CNTN4: variants seen among roughly 807,000 people sequenced by gnomAD.
CNTN4 encodes contactin-4.
In CNTN4, 77 loss-of-function variants were observed where a neutral mutation model predicts 122.5. That is an observed-to-expected ratio of 0.63 (90% confidence interval 0.52 to 0.76). CNTN4 has a LOEUF of 0.76. Ranked by LOEUF, CNTN4 falls within the 30% of genes least tolerant of loss-of-function variation. CNTN4 has a pLI of 0.00. For synonymous variants in CNTN4, 512 were observed against 447.0 expected (o/e 1.15, Z -1.83); for missense variants, 1,256 against 1,259.1 (o/e 1.00, Z 0.04).
At chr3:2,315,043 A>G (rs1461743481) in intron 2 of CNTN4, among the ~76,000 whole-genome samples, 1 of 152,090 alleles carries the variant, frequency 6.6e-6, no homozygotes, top group Non-Finnish European at 1.5e-5. Context: ...AATTTAAATA[A>G]TAAAATCCAC....
At chr3:2,659,369 G>C (rs1390186155) in intron 4 of CNTN4, among the ~76,000 whole-genome samples, 1 of 150,776 alleles carries the variant, frequency 6.6e-6, no homozygotes, top group Non-Finnish European at 1.5e-5. Flanking sequence ...GGCTGAGGCA[G>C]GAGAATCACT....
rs1575029673 is a variant in CNTN4 at position 2,185,719 on chromosome 3, C to A, written c.-145+85080C>A. On this transcript the variant is annotated intron_variant, in intron 2 of 24. Transcript: ENST00000418658. ...GTGATTTCCAGAGATCTTGGACTGC[C>A]AATAATGGTACAAAGTATTTCTTGG... Among the ~76,000 whole-genome samples the A allele has an allele frequency of 2.0e-5, 3 of 152,076 alleles. No homozygotes were observed. The South Asian group carries it at 6.2e-4, about 31-fold the overall frequency.
chr3:2,799,652 C>T (rs957728861), intron 6 of CNTN4, among the ~76,000 whole-genome samples: 9 of 152,118 alleles, frequency 5.9e-5, no homozygotes, highest in South Asian at 4.1e-4. Flanking sequence ...TCAGTAGAGA[C>T]GGAATTTCGC....
chr3:2,427,063 C>G (rs185333988), intron 3 of CNTN4, among the ~76,000 whole-genome samples: 45 of 152,174 alleles, frequency 3.0e-4, no homozygotes, highest in Admixed American at 2.6e-3. Context: ...TTTTGTGTCT[C>G]TATCTCCTTC....
chr3:2,980,409 C>G (rs548740129), intron 13 of CNTN4, among the ~76,000 whole-genome samples: 1 of 129,128 alleles, frequency 7.7e-6, no homozygotes, highest in East Asian at 2.0e-4. Flanking sequence ...TTTACATTTT[C>G]AATTCTTTTC....
intron 4 of CNTN4, among the ~76,000 whole-genome samples, chr3:2,652,379 G>T (rs2150206190): frequency 6.6e-6 from 1 of 152,258 alleles, no homozygotes; most frequent in South Asian, 2.1e-4. Context: ...TGGTCTAATA[G>T]TCTTATTATT....
chr3:2,203,202 A>T (rs2038181243), intron 2 of CNTN4, among the ~76,000 whole-genome samples: 1 of 152,154 alleles, frequency 6.6e-6, no homozygotes, highest in Admixed American at 6.6e-5. Context: ...ACTTTTACAC[A>T]GTATTTAACA....
chr3:2,184,340 T>C (rs2037152746), intron 2 of CNTN4, among the ~76,000 whole-genome samples: 2 of 152,020 alleles, frequency 1.3e-5, no homozygotes, highest in African/African-American at 4.8e-5. Flanking sequence ...GGAGGACTTT[T>C]AGAACACTAG....
chr3:2,434,794 C>T (rs549641468), intron 3 of CNTN4, among the ~76,000 whole-genome samples: 1 of 152,114 alleles, frequency 6.6e-6, no homozygotes, highest in East Asian at 1.9e-4. Context: ...TCCACGAAGG[C>T]AATATTGAAT....
At chr3:2,134,719 G>C (rs1288767663) in intron 2 of CNTN4, among the ~76,000 whole-genome samples, 1 of 152,192 alleles carries the variant, frequency 6.6e-6, no homozygotes, top group Non-Finnish European at 1.5e-5. Context: ...AACACCCTCA[G>C]TGCAAGGGGA....
At chr3:2,579,096 A>G (rs1016410033) in intron 4 of CNTN4, among the ~76,000 whole-genome samples, 1 of 152,218 alleles carries the variant, frequency 6.6e-6, no homozygotes, top group Non-Finnish European at 1.5e-5. Context: ...GAAATGTTCA[A>G]TTTAAGACCT....
intron 3 of CNTN4, among the ~76,000 whole-genome samples, chr3:2,521,718 A>T (rs1442791152): frequency 1.3e-5 from 2 of 152,076 alleles, no homozygotes; most frequent in East Asian, 3.9e-4. Context: ...TCTTTCCCCC[A>T]AGTCTATTGA....
At chr3:2,242,701 G>T (rs1030680489) in intron 2 of CNTN4, among the ~76,000 whole-genome samples, 1 of 152,066 alleles carries the variant, frequency 6.6e-6, no homozygotes, top group African/African-American at 2.4e-5. Context: ...AATAAAGATG[G>T]ATCTGGACAT....
chr3:2,374,858 A>T (rs2045760357), intron 3 of CNTN4, among the ~76,000 whole-genome samples: 4 of 152,186 alleles, frequency 2.6e-5, no homozygotes, highest in Admixed American at 2.0e-4. Context: ...ATCACGTGTC[A>T]CTGGTTGAAA....
intron 4 of CNTN4, among the ~76,000 whole-genome samples, chr3:2,619,556 G>C (rs566160963): frequency 6.6e-6 from 1 of 152,156 alleles, no homozygotes; most frequent in Non-Finnish European, 1.5e-5. Flanking sequence ...AAGGGTGGCT[G>C]TTGGATCATA....
At chr3:2,166,251 A>C (rs1266835496) in intron 2 of CNTN4, among the ~76,000 whole-genome samples, 1 of 152,074 alleles carries the variant, frequency 6.6e-6, no homozygotes, top group African/African-American at 2.4e-5. Context: ...GGGAAACGCA[A>C]ATCAAAACCA....
At chr3:2,618,408 T>A (rs530268248) in intron 4 of CNTN4, among the ~76,000 whole-genome samples, 2 of 152,298 alleles carry the variant, frequency 1.3e-5, no homozygotes, top group Non-Finnish European at 2.9e-5. Context: ...ATTACAAATG[T>A]TTGCTCTATA....
chr3:2,639,552 C>T (rs1162440268), intron 4 of CNTN4, among the ~76,000 whole-genome samples: 1 of 152,154 alleles, frequency 6.6e-6, no homozygotes, highest in Non-Finnish European at 1.5e-5. Flanking sequence ...ACTTCTAACA[C>T]ACTATGTATT....
At chr3:2,596,194 C>A (rs1012689247) in intron 4 of CNTN4, among the ~76,000 whole-genome samples, 1 of 152,054 alleles carries the variant, frequency 6.6e-6, no homozygotes, top group African/African-American at 2.4e-5. Flanking sequence ...TAAAAATAGA[C>A]CCTAAACCCA....
Sources: gnomAD v4.1 joint callset for allele counts (sites outside exome capture counted in the v4.1 genomes callset) on GRCh38, gnomAD v4.1.1 for gene constraint, MANE v1.5 for transcripts, NCBI Gene and HGNC (gene_info 2026-07-23, HGNC 2026-07-21) for gene names.